Variants in QKI observed in about 807,000 individuals in gnomAD.
The protein encoded by QKI is KH domain-containing RNA-binding protein QKI.
Under a neutral mutation model 39.0 loss-of-function variants are expected in QKI, and 10 were observed. That is an observed-to-expected ratio of 0.26 (90% CI 0.16 to 0.43). The LOEUF (loss-of-function observed/expected upper bound fraction) is 0.43, where lower values mean the gene tolerates loss of function less well. Among genes scored for constraint, QKI ranks in the 20% least tolerant of loss-of-function variants. QKI has a pLI of 1.00. For synonymous variants in QKI, 204 were observed against 155.4 expected, an observed-to-expected ratio of 1.31 and a Z score of -2.33; for missense variants, 218 against 428.0, an observed-to-expected ratio of 0.51 and a Z score of 4.33.
chr6:163,422,924 G>A (rs1405993953), intron 1 of QKI, among the ~76,000 whole-genome samples: 3 of 152,008 alleles, frequency 2.0e-5, no homozygotes, highest in Non-Finnish European at 4.4e-5. Flanking sequence ...AAATATATAG[G>A]AAAAAACAAA....
chr6:163,439,200 A>G (rs1789544651), intron 1 of QKI, among the ~76,000 whole-genome samples: 1 of 152,330 alleles, frequency 6.6e-6, no homozygotes, highest in African/African-American at 2.4e-5. Context: ...GAAAGATAGG[A>G]ACTACTGCAT....
At chr6:163,556,664 G>A (rs761454706) in intron 4 of QKI, among the ~76,000 whole-genome samples, 8 of 152,058 alleles carry the variant, frequency 5.3e-5, no homozygotes, top group Non-Finnish European at 7.4e-5. Context: ...TGTGTTTATA[G>A]TTGCTTCACC....
At chr6:163,549,611 C>G (rs1363111094) in intron 4 of QKI, among the ~76,000 whole-genome samples, 2 of 152,180 alleles carry the variant, frequency 1.3e-5, no homozygotes, top group Non-Finnish European at 2.9e-5. Context: ...ACTCCGAAAG[C>G]TGAGGCACAA....
intron 3 of QKI, among the ~76,000 whole-genome samples, chr6:163,483,705 T>C (rs1384489989): frequency 6.6e-6 from 1 of 152,176 alleles, no homozygotes; most frequent in Non-Finnish European, 1.5e-5. Flanking sequence ...TCCATCATAC[T>C]CCTAAACCCC....
intron 1 of QKI, among the ~76,000 whole-genome samples, chr6:163,441,202 T>A (rs1789739081): frequency 6.6e-6 from 1 of 152,216 alleles, no homozygotes; most frequent in Non-Finnish European, 1.5e-5. Context: ...TAAGATACAC[T>A]GGAAGAATTT....
chr6:163,510,225 A>ATAT (rs1262519624), intron 3 of QKI, among the ~76,000 whole-genome samples: 2 of 38,222 alleles, frequency 5.2e-5, no homozygotes, highest in African/African-American at 1.5e-4. Context: ...CAAAATAATA[A>ATAT]TAATAATAAT....
chr6:163,436,101 T>C (rs1789248608), intron 1 of QKI, among the ~76,000 whole-genome samples: 2 of 152,200 alleles, frequency 1.3e-5, no homozygotes, highest in Non-Finnish European at 2.9e-5. Flanking sequence ...AACAGATAGC[T>C]AATGTCCAAG....
chr6:163,543,373 A>G (rs1372596806), intron 4 of QKI, among the ~76,000 whole-genome samples: 5 of 151,514 alleles, frequency 3.3e-5, no homozygotes, highest in Non-Finnish European at 5.9e-5. Context: ...TCTCTCATGT[A>G]AAGAAAGGTG....
intron 3 of QKI, among the ~76,000 whole-genome samples, chr6:163,481,956 G>A: frequency 6.6e-6 from 1 of 152,136 alleles, no homozygotes; most frequent in Non-Finnish European, 1.5e-5. Flanking sequence ...GGAGGCTGAG[G>A]CAGGAGGATC....
chr6:163,451,503 G>T (rs755387153), intron 1 of QKI, among the ~76,000 whole-genome samples: 1 of 152,168 alleles, frequency 6.6e-6, no homozygotes, highest in Non-Finnish European at 1.5e-5. Flanking sequence ...CTGAGTTGTG[G>T]CCAATGGTAG....
intron 3 of QKI, among the ~76,000 whole-genome samples, chr6:163,484,890 G>A (rs1478924423): frequency 6.6e-6 from 1 of 152,176 alleles, no homozygotes; most frequent in Non-Finnish European, 1.5e-5. Flanking sequence ...TGAGCACATG[G>A]TGTTGGAAAA....
intron 1 of QKI, among the ~76,000 whole-genome samples, chr6:163,419,758 A>G (rs1787840472): frequency 6.6e-6 from 1 of 152,164 alleles, no homozygotes; most frequent in African/African-American, 2.4e-5. Context: ...TTGTAGTAAA[A>G]GTTGTATCCG....
In QKI at chr6:163,472,414, T is replaced by TCTC. The variant is rs1297147359; in HGVS notation, c.286-6366_286-6365insCTC. Among the ~76,000 whole-genome samples, 40 of 152,026 alleles carry TCTC rather than the reference T, an allele frequency of 2.6e-4. 1 individual carries two copies. The East Asian group carries it at 6.6e-3, about 25-fold the overall frequency. On this transcript the variant is annotated intron_variant, in intron 2 of 7. Transcript: ENST00000361752. ...CAGAGGCAGAAGGAGGTGATGGAGG[T>TCTC]GGGAGGGGTGTCATACTTGGTGTAA...
chr6:163,456,355 G>C (rs1790911061), intron 2 of QKI, among the ~76,000 whole-genome samples: 1 of 151,892 alleles, frequency 6.6e-6, no homozygotes, highest in Admixed American at 6.6e-5. Flanking sequence ...TAAGAACCTT[G>C]TCTTTGTTAT....
At chr6:163,462,736 A>G (rs576083312) in intron 2 of QKI, among the ~76,000 whole-genome samples, 1 of 152,316 alleles carries the variant, frequency 6.6e-6, no homozygotes, top group African/African-American at 2.4e-5. Context: ...AGGTAACAGG[A>G]CACAGGAATA....
At chr6:163,520,724 T>C (rs541379328) in intron 3 of QKI, among the ~76,000 whole-genome samples, 101 of 152,176 alleles carry the variant, frequency 6.6e-4, no homozygotes, top group Non-Finnish European at 1.1e-3. Flanking sequence ...TACATGTCAG[T>C]CTTACCCAAA....
intron 4 of QKI, among the ~76,000 whole-genome samples, chr6:163,555,877 A>T (rs1167984256): frequency 6.6e-6 from 1 of 152,062 alleles, no homozygotes; most frequent in African/African-American, 2.4e-5. Flanking sequence ...AATAAACATG[A>T]TTTTCTTACT....
intron 5 of QKI, 114 bp from the exon 6 acceptor site, chr6:163,563,306 C>T (rs1385586490): frequency 8.8e-6 from 9 of 1,020,760 alleles, no homozygotes; most frequent in East Asian, 7.6e-5. Context: ...TAATGATTTC[C>T]TTTTATTTTT....
intron 3 of QKI, among the ~76,000 whole-genome samples, chr6:163,487,468 A>G (rs1193961427): frequency 6.6e-6 from 1 of 152,188 alleles, no homozygotes; most frequent in East Asian, 1.9e-4. Flanking sequence ...TTATCCTCAA[A>G]TATGTTGTCA....
Sources: gnomAD v4.1 joint callset for allele counts (sites outside exome capture counted in the v4.1 genomes callset) on GRCh38, gnomAD v4.1.1 for gene constraint, MANE v1.5 for transcripts, NCBI Gene and HGNC (gene_info 2026-07-23, HGNC 2026-07-21) for gene names.